The following KDELR2 variants were observed in gnomAD, a reference collection of about 807,000 sequenced individuals.
KDELR2 encodes ER lumen protein-retaining receptor 2.
KDELR2 carries 15 observed loss-of-function variants against 23.9 expected under a neutral mutation model. The observed-to-expected ratio is 0.63, with a 90% CI of 0.42 to 0.97. KDELR2 has a LOEUF of 0.97. Ranked by LOEUF, KDELR2 falls within the 50% of genes least tolerant of loss-of-function variation. The pLI is 0.00. For missense variants in KDELR2, 272 were observed against 254.6 expected, an observed-to-expected ratio of 1.07 and a Z score of -0.46; for synonymous variants, 119 against 106.2, an observed-to-expected ratio of 1.12 and a Z score of -0.74.
At position 6,475,213 on chromosome 7, in the gene KDELR2, C is replaced by T. The variant is rs140410613; in HGVS notation, c.92-929G>A. Among the ~76,000 whole-genome samples the T allele has an allele frequency of 4.6e-5, 7 of 152,066 alleles. No homozygotes were observed. The East Asian group carries it at 1.3e-3, about 29-fold the overall frequency. Reference sequence around the variant, plus strand: ...ATCTCCACATATAGGGGGGCTAAGGCGGGAGAATCGCTTGAGCCCAGGAGT... The same window carrying T: ...ATCTCCACATATAGGGGGGCTAAGGTGGGAGAATCGCTTGAGCCCAGGAGT... On this transcript the variant is annotated intron_variant, in intron 1 of 4. Transcript: ENST00000258739.
intron 1 of KDELR2, among the ~76,000 whole-genome samples, chr7:6,475,122 A>G (rs1785727018): frequency 6.6e-6 from 1 of 152,118 alleles, no homozygotes; most frequent in African/African-American, 2.4e-5. Context: ...TAAGAGCGGC[A>G]ATTACTTGGA....
In KDELR2 at chr7:6,471,114, C is replaced by CAA. The variant is rs199716537; in HGVS notation, c.193-1362_193-1361dup. 3.1e-3 allele frequency among the ~76,000 whole-genome samples: 313 copies of CAA among 101,590 alleles called. 3 individuals carry two copies. The highest frequency in any genetic ancestry group is 0.01 in the African/African-American group (282 of 27,484). The allele number at this position is 101,590 out of a possible 152,430, so 66.6% of individuals were successfully genotyped here. ...CCTGGGTGACAGACTGACTCTGTCT[C>CAA]AAAAAAAATAAAAAATAAATAAATA... On this transcript the variant is annotated intron_variant, in intron 2 of 4. Transcript: ENST00000258739.
chr7:6,483,624 C>T (rs1785958526), intron 1 of KDELR2, among the ~76,000 whole-genome samples: 1 of 152,232 alleles, frequency 6.6e-6, no homozygotes, highest in Non-Finnish European at 1.5e-5. Context: ...CGGAGAAGCG[C>T]CCCCATTCAA....
chr7:6,466,346 C>T (rs759729644), intron 3 of KDELR2, 23 bp from the exon 4 acceptor site: 6 of 1,608,804 alleles, frequency 3.7e-6, no homozygotes, highest in South Asian at 1.1e-5. Flanking sequence ...TGGCAAGCTT[C>T]CATCACGACC....
rs571519331 is a variant in KDELR2 at position 6,483,830 on chromosome 7, G to A, written c.91+137C>T. 5 of 583,370 alleles carry A rather than the reference G, an allele frequency of 8.6e-6. No individual in the cohort carries two copies. The South Asian group carries it at 2.5e-4, about 29-fold the overall frequency. 36.1% of individuals were successfully genotyped at this position (583,370 alleles called of 1,614,324 possible). On this transcript the variant is annotated intron_variant, in intron 1 of 4. Transcript: ENST00000258739. ...GCAGGCCGCTGCCCCCCGGGTCCGG[G>A]CACCCGTTAGGCCGGCCGAGGGGGT... is the stretch of plus-strand genomic sequence containing the variant.
chr7:6,483,690 A>G (rs1473285021), intron 1 of KDELR2, among the ~76,000 whole-genome samples: 1 of 152,166 alleles, frequency 6.6e-6, no homozygotes, highest in Non-Finnish European at 1.5e-5. Flanking sequence ...CTTTTCAGAC[A>G]CAGCAGGGCC....
chr7:6,467,723 T>G (rs1474836956), intron 3 of KDELR2, among the ~76,000 whole-genome samples: 1 of 152,120 alleles, frequency 6.6e-6, no homozygotes, highest in Non-Finnish European at 1.5e-5. Flanking sequence ...ATCATGCCAC[T>G]GCACTCCAGC....
At chr7:6,467,258 C>T (rs967725037) in intron 3 of KDELR2, among the ~76,000 whole-genome samples, 2 of 152,232 alleles carry the variant, frequency 1.3e-5, no homozygotes, top group Non-Finnish European at 2.9e-5. Context: ...TAAGCTCCTT[C>T]CACTTCCTCA....
chr7:6,472,887 A>G (rs1415863150), intron 2 of KDELR2, among the ~76,000 whole-genome samples: 1 of 143,992 alleles, frequency 6.9e-6, no homozygotes, highest in Admixed American at 7.3e-5. Flanking sequence ...ATATCCTGAG[A>G]GCCCCTGTTC....
At position 6,484,071 on chromosome 7, in the gene KDELR2, G is replaced by A. The variant is rs1390635005; in HGVS notation, c.-14C>T. ...GAAAATGTTCATGGCGGCGGCGGCG[G>A]TGGCGGTCGGCGCAGCGCGGCGGCC... On this transcript the variant is annotated 5_prime_UTR_variant, in exon 1 of 5. Transcript: ENST00000258739. 2 of 1,476,966 alleles carry A rather than the reference G, an allele frequency of 1.4e-6. No individual in the cohort carries two copies. Among genetic ancestry groups the A allele is most frequent in the Non-Finnish European group, 1.8e-6 (2 of 1,108,426 alleles). The allele number at this position is 1,476,966 out of a possible 1,614,324, so 91.5% of individuals were successfully genotyped here.
chr7:6,464,375 C>A (rs931883462), intron 4 of KDELR2, among the ~76,000 whole-genome samples: 1 of 149,874 alleles, frequency 6.7e-6, no homozygotes, highest in African/African-American at 2.5e-5. Flanking sequence ...AAAAATTAGC[C>A]GGGCGTGGTG....
At chr7:6,467,758 C>CA (rs908029801) in intron 3 of KDELR2, among the ~76,000 whole-genome samples, 22 of 150,484 alleles carry the variant, frequency 1.5e-4, no homozygotes, top group Non-Finnish European at 2.2e-4. Flanking sequence ...GACTCTGTCT[C>CA]AAAAAAAAAG....
At chr7:6,469,929 G>C (rs967833757) in intron 2 of KDELR2, 175 bp from the exon 3 acceptor site, 7 of 524,058 alleles carry the variant, frequency 1.3e-5, no homozygotes, top group Non-Finnish European at 2.0e-5. Context: ...GTTCAGTTCT[G>C]AGGCATAACC....
chr7:6,464,379 C>T (rs1205097391), intron 4 of KDELR2, among the ~76,000 whole-genome samples: 1 of 151,850 alleles, frequency 6.6e-6, no homozygotes, highest in South Asian at 2.1e-4. Context: ...ATTAGCCGGG[C>T]GTGGTGGTGC....
At position 6,476,591 on chromosome 7, in the gene KDELR2, T is replaced by C. The variant is rs910865738; in HGVS notation, c.92-2307A>G. On this transcript the variant is annotated intron_variant, in intron 1 of 4. Transcript: ENST00000258739. ...AAAGGGTTTTACTCTAACAGAACTTTGGAAGCCAGGCAGATTTGAAATTGT... is the reference window on the plus strand; with the variant it reads ...AAAGGGTTTTACTCTAACAGAACTTCGGAAGCCAGGCAGATTTGAAATTGT... Among the ~76,000 whole-genome samples the C allele has an allele frequency of 4.6e-5, 7 of 152,334 alleles. No homozygotes were observed. In the South Asian group the frequency reaches 1.4e-3, roughly 32 times the overall value.
In KDELR2 at chr7:6,463,168, C is replaced by T. The variant is rs777982624; in HGVS notation, c.612G>A (p.Lys204=). 1 of 1,612,626 alleles carries T rather than the reference C, an allele frequency of 6.2e-7. No homozygotes were observed. Among genetic ancestry groups the T allele is most frequent in the South Asian group, 1.1e-5 (1 of 90,588 alleles). The change falls in exon 5 of 5, where the codon AAG becomes AAA. Residue 204 remains lysine, a synonymous_variant. Coordinates refer to ENST00000258739, the MANE Select transcript of KDELR2 (RefSeq NM_006854.4). ...ATGCTGGCAAACTGAGCTTCTTTCCCTTGAGTACTAGAATTTCAAAGAGAA... is the reference window on the plus strand; with the variant it reads ...ATGCTGGCAAACTGAGCTTCTTTCCTTTGAGTACTAGAATTTCAAAGAGAA... ...FFYLYITKVL[K]GKKLSLPA
intron 1 of KDELR2, among the ~76,000 whole-genome samples, chr7:6,480,499 C>A (rs961452361): frequency 2.6e-5 from 4 of 152,152 alleles, no homozygotes; most frequent in African/African-American, 9.7e-5. Context: ...CAACTCACTG[C>A]CCCCACTTTA....
intron 1 of KDELR2, among the ~76,000 whole-genome samples, chr7:6,477,672 T>G (rs567516814): frequency 6.6e-6 from 1 of 152,362 alleles, no homozygotes; most frequent in East Asian, 1.9e-4. Context: ...TTTTCTGTTT[T>G]GTTTTCGAGA....
chr7:6,481,184 C>G (rs1199718667), intron 1 of KDELR2, among the ~76,000 whole-genome samples: 1 of 152,032 alleles, frequency 6.6e-6, no homozygotes. Context: ...GCCTGGCCAA[C>G]ATGGTGAAAC....
Sources: allele counts gnomAD v4.1 joint callset (sites outside exome capture counted in the v4.1 genomes callset), GRCh38; gene constraint gnomAD v4.1.1; transcripts MANE v1.5; gene names NCBI Gene and HGNC (gene_info 2026-07-23, HGNC 2026-07-21).